Variants in VTI1A observed in about 807,000 individuals in gnomAD.
VTI1A encodes the protein vesicle transport through interaction with t-SNAREs 1A.
VTI1A carries 22 observed loss-of-function variants against 34.9 expected under a neutral mutation model. The observed-to-expected ratio is 0.63, with a 90% confidence interval of 0.45 to 0.90. The LOEUF (loss-of-function observed/expected upper bound fraction) is 0.90, where lower values mean the gene tolerates loss of function less well. VTI1A is among the 40% of genes least tolerant of loss of function. VTI1A has a pLI of 0.00. For missense variants in VTI1A, 268 were observed against 275.6 expected (o/e 0.97, Z 0.20); for synonymous variants, 87 against 97.3 (o/e 0.89, Z 0.62).
At chr10:112,652,318 T>C (rs1482144930) in intron 5 of VTI1A, among the ~76,000 whole-genome samples, 1 of 152,142 alleles carries the variant, frequency 6.6e-6, no homozygotes. Flanking sequence ...TGAGTGTCCT[T>C]CACATTGGCT....
chr10:112,712,877 C>G (rs908810938), intron 7 of VTI1A, among the ~76,000 whole-genome samples: 2 of 152,120 alleles, frequency 1.3e-5, no homozygotes, highest in African/African-American at 4.8e-5. Context: ...CCATTGTTGT[C>G]TTTAAATTTG....
At position 112,601,126 on chromosome 10, in the gene VTI1A, G is replaced by A. The variant is rs529246465; in HGVS notation, c.427+62796G>A. Among the ~76,000 whole-genome samples the A allele has an allele frequency of 2.0e-5, 3 of 152,264 alleles. No homozygotes were observed. The South Asian group carries it at 6.2e-4, about 32-fold the overall frequency. The stretch of plus-strand genomic sequence containing the variant: ...AGCATTAGGGAAACCTTCATTGTGG[G>A]GAGTGGGAGAGGTCATCTTTGGCCG... On this transcript the variant is annotated intron_variant, in intron 5 of 7. Transcript: ENST00000393077.
chr10:112,836,749 G>A, the VTI1A span, among the ~76,000 whole-genome samples: 21 of 152,270 alleles, frequency 1.4e-4, no homozygotes, highest in South Asian at 1.2e-3. Flanking sequence ...AGCATGATGC[G>A]GCGGGGAGGG....
At chr10:112,454,766 A>G (rs1165391670) in intron 1 of VTI1A, among the ~76,000 whole-genome samples, 4 of 151,712 alleles carry the variant, frequency 2.6e-5, no homozygotes, top group Admixed American at 6.6e-5. Flanking sequence ...TATATTTTAT[A>G]TAATACATAT....
At chr10:112,469,819 C>G (rs1848018792) in intron 3 of VTI1A, among the ~76,000 whole-genome samples, 1 of 152,214 alleles carries the variant, frequency 6.6e-6, no homozygotes, top group Non-Finnish European at 1.5e-5. Flanking sequence ...TAGGGGACCA[C>G]TTTCTCGATT....
Position 112,608,833 on chromosome 10 carries a change from A to G in VTI1A, c.428-59385A>G, listed in dbSNP as rs868291616. Among the ~76,000 whole-genome samples the G allele has an allele frequency of 3.3e-5, 5 of 151,736 alleles. No individual in the cohort carries two copies. In the South Asian group the frequency reaches 1.0e-3, roughly 32 times the overall value. On this transcript the variant is annotated intron_variant, in intron 5 of 7. Transcript: ENST00000393077. ...TTCAACATCTCTTGTTTCTTATTCT[A>G]CTCTTTCCATATTGCTTGAAACTGA...
chr10:112,789,488 A>G (rs575986273), intron 7 of VTI1A, among the ~76,000 whole-genome samples: 2 of 152,170 alleles, frequency 1.3e-5, no homozygotes, highest in Non-Finnish European at 2.9e-5. Flanking sequence ...GCTGTCAGCC[A>G]TCATTTCTAC....
chr10:112,561,570 G>T (rs561903138), intron 5 of VTI1A, among the ~76,000 whole-genome samples: 21 of 152,244 alleles, frequency 1.4e-4, no homozygotes, highest in African/African-American at 5.1e-4. Context: ...TCAACATGAA[G>T]CTGTAAGCAT....
chr10:112,700,166 A>G (rs930731091), intron 7 of VTI1A, among the ~76,000 whole-genome samples: 3 of 151,712 alleles, frequency 2.0e-5, no homozygotes, highest in African/African-American at 7.2e-5. Flanking sequence ...ACTCGGAGGT[A>G]AAACATTATC....
At chr10:112,500,770 C>T (rs568926371) in intron 3 of VTI1A, among the ~76,000 whole-genome samples, 2 of 152,284 alleles carry the variant, frequency 1.3e-5, no homozygotes, top group South Asian at 2.1e-4. Flanking sequence ...TTTTCTCTTA[C>T]AATTCTTTTC....
chr10:112,630,470 A>G (rs1195382083), intron 5 of VTI1A, among the ~76,000 whole-genome samples: 3 of 152,200 alleles, frequency 2.0e-5, no homozygotes, highest in Non-Finnish European at 4.4e-5. Context: ...ATATTTACCT[A>G]TATCATTGCA....
intron 7 of VTI1A, among the ~76,000 whole-genome samples, chr10:112,678,438 A>G (rs920983994): frequency 1.3e-5 from 2 of 152,318 alleles, no homozygotes; most frequent in East Asian, 1.9e-4. Context: ...ACAACATTTT[A>G]TAATTCCAGG....
chr10:112,733,152 T>G (rs1222429776), intron 7 of VTI1A, among the ~76,000 whole-genome samples: 4 of 152,256 alleles, frequency 2.6e-5, no homozygotes. Context: ...CAAGGCTTTT[T>G]GGGCTGCCAT....
chr10:112,504,511 T>A (rs199816092), intron 3 of VTI1A, among the ~76,000 whole-genome samples: 28 of 150,740 alleles, frequency 1.9e-4, no homozygotes, highest in African/African-American at 5.8e-4. Flanking sequence ...CTTTTTTTTT[T>A]ATAGCTTAAT....
chr10:112,496,096 G>A (rs976957626), intron 3 of VTI1A, among the ~76,000 whole-genome samples: 1 of 144,950 alleles, frequency 6.9e-6, no homozygotes, highest in Non-Finnish European at 1.5e-5. Flanking sequence ...GATGGCTCAC[G>A]CCTGTAATCC....
Position 112,815,230 on chromosome 10 carries a change from C to T in VTI1A, c.561-60C>T, listed in dbSNP as rs1411904605. Reference sequence around the variant, plus strand: ...GATTAGCCAACCTGGCCTCGGACGGCGTTTGTGGGAAGGCCTTCCACTTAT... The same window carrying T: ...GATTAGCCAACCTGGCCTCGGACGGTGTTTGTGGGAAGGCCTTCCACTTAT... On this transcript the variant is annotated intron_variant, in intron 7 of 7. Transcript: ENST00000393077. 92 of 1,391,794 alleles carry T rather than the reference C, an allele frequency of 6.6e-5. 4 individuals are homozygous for T. In the South Asian group the frequency reaches 8.7e-4, roughly 13 times the overall value. The allele number at this position is 1,391,794 out of a possible 1,614,324, so 86.2% of individuals were successfully genotyped here.
intron 7 of VTI1A, among the ~76,000 whole-genome samples, chr10:112,798,016 C>G (rs759361594): frequency 2.7e-5 from 4 of 150,160 alleles, no homozygotes; most frequent in Non-Finnish European, 5.9e-5. Context: ...GTCGTGGGAC[C>G]TCTTCGCAGG....
intron 7 of VTI1A, among the ~76,000 whole-genome samples, chr10:112,691,042 C>T (rs1305805578): frequency 6.6e-6 from 1 of 151,916 alleles, no homozygotes; most frequent in Non-Finnish European, 1.5e-5. Context: ...CCAAGGCAGG[C>T]GGATCATTTG....
chr10:112,530,081 G>A (rs1850366186), intron 4 of VTI1A, among the ~76,000 whole-genome samples: 1 of 152,010 alleles, frequency 6.6e-6, no homozygotes, highest in Admixed American at 6.5e-5. Flanking sequence ...CATTTTTAAT[G>A]TCCCTCATAC....
Sources: gnomAD v4.1 joint callset for allele counts (sites outside exome capture counted in the v4.1 genomes callset) on GRCh38, gnomAD v4.1.1 for gene constraint, MANE v1.5 for transcripts, NCBI Gene and HGNC (gene_info 2026-07-23, HGNC 2026-07-21) for gene names.